The following PTPN22 variants were observed in gnomAD, a reference collection of about 807,000 sequenced individuals.
PTPN22 encodes protein tyrosine phosphatase non-receptor type 22.
A neutral mutation model predicts 103.3 loss-of-function variants in PTPN22; 85 were observed. The observed-to-expected ratio is 0.82, with a 90% confidence interval of 0.69 to 0.99. The LOEUF is 0.99. PTPN22 is among the 50% of genes least tolerant of loss of function. PTPN22 has a pLI of 0.00. For missense variants in PTPN22, 865 were observed against 936.9 expected (o/e 0.92, Z 1.00); for synonymous variants, 323 against 310.2 (o/e 1.04, Z -0.43).
At position 113,856,633 on chromosome 1, in the gene PTPN22, C is replaced by A. The variant is rs912927774; in HGVS notation, c.409-14G>T. ...CTCACACTTTTTCTGTTGCACAAAG[C>A]AGAATACAGTGATTTCCCTCCATAT... On this transcript the variant is annotated splice_polypyrimidine_tract_variant and intron_variant, in intron 5 of 20. Transcript: ENST00000359785. 1 of 1,614,160 alleles carries A rather than the reference C, an allele frequency of 6.2e-7. No homozygotes were observed. Among genetic ancestry groups the A allele is most frequent in the Non-Finnish European group, 8.5e-7 (1 of 1,180,022 alleles).
At chr1:113,869,637 C>T (rs1666413314) in intron 1 of PTPN22, among the ~76,000 whole-genome samples, 1 of 152,090 alleles carries the variant, frequency 6.6e-6, no homozygotes, top group Non-Finnish European at 1.5e-5. Context: ...TCAGGTGATC[C>T]ACCCGCCTCG....
At position 113,857,862 on chromosome 1, in the gene PTPN22, T is replaced by C. The variant is rs1225041528; in HGVS notation, c.370-86A>G. The C allele has an allele frequency of 5.7e-6, 7 of 1,225,578 alleles. No homozygotes were observed. The South Asian group carries it at 8.7e-5, about 15-fold the overall frequency. The allele number at this position is 1,225,578 out of a possible 1,614,324, so 75.9% of individuals were successfully genotyped here. A position where few individuals can be genotyped will look rare whatever the true frequency, so the allele number is the denominator to read the frequency against. ...ACATGGATCCCAGACTCAGAAAGTA[T>C]TAACCGTTCTTTTTTCTGTTTTGTC... On this transcript the variant is annotated intron_variant, in intron 4 of 20. Coordinates refer to ENST00000359785, the Ensembl canonical transcript of PTPN22.
intron 20 of PTPN22, among the ~76,000 whole-genome samples, chr1:113,819,113 T>C (rs1466246616): frequency 2.6e-5 from 4 of 152,260 alleles, no homozygotes; most frequent in Admixed American, 6.5e-5. Flanking sequence ...ATTATTGTTT[T>C]AAGTTTATAG....
chr1:113,828,435 A>G (rs1001635718), intron 18 of PTPN22, among the ~76,000 whole-genome samples: 7 of 152,068 alleles, frequency 4.6e-5, no homozygotes, highest in African/African-American at 1.4e-4. Context: ...AATTTATCCT[A>G]GTATAGATGT....
chr1:113,834,225 T>C (rs1662786321), intron 15 of PTPN22, 84 bp downstream of exon 15: 1 of 1,355,204 alleles, frequency 7.4e-7, no homozygotes, highest in Non-Finnish European at 1.0e-6. Context: ...TTAGGATTTA[T>C]TGAATGATGG....
At chr1:113,857,944 T>C (rs1665219273) in intron 4 of PTPN22, 168 bp from the exon 5 acceptor site, 1 of 519,362 alleles carries the variant, frequency 1.9e-6, no homozygotes, top group Non-Finnish European at 3.4e-6. Flanking sequence ...GCTGCTACTC[T>C]TCCTTCATTC....
Position 113,838,293 on chromosome 1 carries a change from C to T in PTPN22, c.1107G>A (p.Leu369=), listed in dbSNP as rs748046433. ...AAGAAGTGCTTGATTTAGCAGGGTG[C>T]AAAACTAGCTCTTCTTTTGCACTTA... The change falls in exon 13 of 21, where the codon TTG becomes TTA. Residue 369 remains leucine, a synonymous_variant. Transcript: ENST00000359785. 17 of 1,613,718 alleles carry T rather than the reference C, an allele frequency of 1.1e-5. No individual in the cohort carries two copies. The East Asian group carries it at 3.3e-4, about 32-fold the overall frequency.
chr1:113,823,859 A>G (rs548446269), intron 19 of PTPN22, among the ~76,000 whole-genome samples: 20 of 152,234 alleles, frequency 1.3e-4, no homozygotes, highest in African/African-American at 3.9e-4. Context: ...TACTTCAGCC[A>G]TCATGAGTTG....
intron 11 of PTPN22, among the ~76,000 whole-genome samples, chr1:113,841,014 C>T (rs1343108343): frequency 2.6e-5 from 4 of 152,058 alleles, no homozygotes; most frequent in African/African-American, 9.7e-5. Context: ...CACCTGAGGT[C>T]AGGAGTTTGA....
chr1:113,844,822 A>C (rs1663907171), intron 11 of PTPN22, among the ~76,000 whole-genome samples: 1 of 151,836 alleles, frequency 6.6e-6, no homozygotes, highest in African/African-American at 2.4e-5. Context: ...TTTTTTAATT[A>C]GTTAATTAAT....
chr1:113,835,045 A>C (rs1662864275), intron 13 of PTPN22, 52 bp from the exon 14 acceptor site: 1 of 1,092,332 alleles, frequency 9.2e-7, no homozygotes, highest in South Asian at 1.9e-5. Context: ...AACAATCCAA[A>C]GGAAATTCTT....
intron 5 of PTPN22, 84 bp from the exon 6 acceptor site, chr1:113,856,703 T>G: frequency 3.2e-6 from 5 of 1,586,614 alleles, no homozygotes; most frequent in Non-Finnish European, 4.3e-6. Context: ...AATTCAGCTC[T>G]ATGTCCTTCA....
chr1:113,863,250 G>C (rs948604212), intron 1 of PTPN22, among the ~76,000 whole-genome samples: 4 of 152,112 alleles, frequency 2.6e-5, no homozygotes, highest in African/African-American at 9.7e-5. Context: ...CTGCCACCAT[G>C]CCCAGCTAAC....
chr1:113,850,017 AACCCCAT>A (rs1415718583), intron 10 of PTPN22, among the ~76,000 whole-genome samples: 1 of 152,012 alleles, frequency 6.6e-6, no homozygotes, highest in Non-Finnish European at 1.5e-5. Context: ...AGCATGGTGA[AACCCCAT>A]CTCCACTAAA....
exon 4 of PTPN22, chr1:113,858,570 C>T: frequency 1.3e-6 from 2 of 1,573,290 alleles, no homozygotes; most frequent in Non-Finnish European, 1.7e-6. Context: ...GGTCCATAAA[C>T]TCCCTAAAGG....
At chr1:113,859,959 CT>C (rs35810164) in intron 1 of PTPN22, among the ~76,000 whole-genome samples, 52,133 of 114,504 alleles carry the variant, frequency 0.46, 8,881 homozygotes, top group South Asian at 0.52. Flanking sequence ...AAAGCAGTCA[CT>C]TTTTTTTTTT....
chr1:113,840,805 T>C (rs769769930), intron 11 of PTPN22, among the ~76,000 whole-genome samples: 1 of 152,118 alleles, frequency 6.6e-6, no homozygotes, highest in Non-Finnish European at 1.5e-5. Flanking sequence ...ATAGAAGAGC[T>C]TTGAAAAAAA....
chr1:113,856,402 G>A, exon 7 of PTPN22: 1 of 1,579,362 alleles, frequency 6.3e-7, no homozygotes, highest in African/African-American at 1.4e-5. Context: ...TTAACTTTTA[G>A]AGTCCTGATT....
intron 1 of PTPN22, among the ~76,000 whole-genome samples, chr1:113,869,220 CA>C (rs1005809277): frequency 4.0e-5 from 6 of 150,946 alleles, no homozygotes; most frequent in Admixed American, 3.3e-4. Context: ...TTGTCGCCCC[CA>C]AAAAAAAGAC....
Sources: allele counts gnomAD v4.1 joint callset (sites outside exome capture counted in the v4.1 genomes callset), GRCh38; gene constraint gnomAD v4.1.1; transcripts MANE v1.5; gene names NCBI Gene and HGNC (gene_info 2026-07-23, HGNC 2026-07-21).